The following BLTP3B variants were observed in gnomAD, a reference collection of about 807,000 sequenced individuals.
BLTP3B encodes bridge-like lipid transfer protein family member 3B, also known as UHRF1 (ICBP90) binding protein 1-like.
the BLTP3B span, among the ~76,000 whole-genome samples, chr12:100,061,974 A>C: frequency 2.0e-5 from 3 of 152,252 alleles, no homozygotes; most frequent in Admixed American, 1.3e-4. Flanking sequence ...AATTACGGTA[A>C]AATGAGTTCA....
chr12:100,127,704 C>A, the BLTP3B span, among the ~76,000 whole-genome samples: 2 of 152,080 alleles, frequency 1.3e-5, no homozygotes, highest in African/African-American at 4.8e-5. Context: ...TGCTGTAAAA[C>A]CCTTAAATTC....
At chr12:100,059,546 A>T in the BLTP3B span, 22 of 1,564,022 alleles carry the variant, frequency 1.4e-5, no homozygotes, top group Non-Finnish European at 1.7e-5. Context: ...AGAAGAGAAG[A>T]AAAATTAATC....
chr12:100,060,683 C>T, the BLTP3B span, among the ~76,000 whole-genome samples: 10 of 152,140 alleles, frequency 6.6e-5, no homozygotes, highest in African/African-American at 2.4e-4. Flanking sequence ...TCATAGCTCT[C>T]CTAAAATAAA....
chr12:100,062,437 G>A, the BLTP3B span, among the ~76,000 whole-genome samples: 88 of 152,324 alleles, frequency 5.8e-4, no homozygotes, highest in Non-Finnish European at 1.1e-3. Context: ...TCATCTACAT[G>A]AGGGTGCAAC....
At chr12:100,111,856 G>A in the BLTP3B span, among the ~76,000 whole-genome samples, 10 of 151,940 alleles carry the variant, frequency 6.6e-5, no homozygotes, top group African/African-American at 2.2e-4. Flanking sequence ...CATCCACCTC[G>A]GCCTCCCAAA....
chr12:100,107,526 T>C, the BLTP3B span, among the ~76,000 whole-genome samples: 1 of 151,438 alleles, frequency 6.6e-6, no homozygotes, highest in African/African-American at 2.4e-5. Flanking sequence ...TCCCAGCTAC[T>C]TGGGAGGCTG....
chr12:100,051,211 CTTTT>C, the BLTP3B span: 3 of 1,609,748 alleles, frequency 1.9e-6, no homozygotes, highest in Non-Finnish European at 2.5e-6. Flanking sequence ...TAGTTGAGTT[CTTTT>C]TATTTCCTGA....
At chr12:100,106,582 G>A in the BLTP3B span, among the ~76,000 whole-genome samples, 1 of 151,872 alleles carries the variant, frequency 6.6e-6, no homozygotes, top group Non-Finnish European at 1.5e-5. Context: ...GTGGCATAAT[G>A]GACTTTGAAG....
At chr12:100,067,430 T>C in the BLTP3B span, among the ~76,000 whole-genome samples, 1 of 151,982 alleles carries the variant, frequency 6.6e-6, no homozygotes, top group Admixed American at 6.6e-5. Context: ...ATAAATAAAA[T>C]TGATAGACCA....
chr12:100,079,233 G>A, the BLTP3B span, among the ~76,000 whole-genome samples: 7 of 152,270 alleles, frequency 4.6e-5, no homozygotes, highest in Middle Eastern at 3.4e-3. Context: ...GGCAGAGGTT[G>A]GAACAGTTTG....
At chr12:100,061,570 T>G in the BLTP3B span, among the ~76,000 whole-genome samples, 1 of 145,870 alleles carries the variant, frequency 6.9e-6, no homozygotes, top group Non-Finnish European at 1.5e-5. Flanking sequence ...GGCAGGAGAA[T>G]GGTGTGAACC....
At chr12:100,118,753 G>T in the BLTP3B span, among the ~76,000 whole-genome samples, 1 of 152,166 alleles carries the variant, frequency 6.6e-6, no homozygotes, top group African/African-American at 2.4e-5. Context: ...AATCAGAGCT[G>T]ATTATGGAAA....
chr12:100,121,085 C>A, the BLTP3B span, among the ~76,000 whole-genome samples: 3 of 152,006 alleles, frequency 2.0e-5, no homozygotes, highest in African/African-American at 7.3e-5. Flanking sequence ...CAGTGGCACA[C>A]GCCTGTAATC....
chr12:100,058,600 C>A, the BLTP3B span: 1 of 1,613,980 alleles, frequency 6.2e-7, no homozygotes, highest in Non-Finnish European at 8.5e-7. Flanking sequence ...TCAGGTACCA[C>A]TGGGCTCACA....
chr12:100,109,680 C>T, the BLTP3B span, among the ~76,000 whole-genome samples: 12 of 151,120 alleles, frequency 7.9e-5, no homozygotes, highest in East Asian at 7.8e-4. Flanking sequence ...GTGGGAGTTT[C>T]GCTTCAGTCC....
At chr12:100,088,364 T>C in the BLTP3B span, among the ~76,000 whole-genome samples, 6 of 151,960 alleles carry the variant, frequency 3.9e-5, no homozygotes, top group Non-Finnish European at 5.9e-5. Context: ...ATCTACTAAA[T>C]AAGGAAAAAT....
the BLTP3B span, among the ~76,000 whole-genome samples, chr12:100,045,680 T>C: frequency 6.6e-6 from 1 of 152,140 alleles, no homozygotes; most frequent in Admixed American, 6.5e-5. Context: ...AAAGACTTCA[T>C]GACTAAAACA....
chr12:100,073,254 T>C, the BLTP3B span, among the ~76,000 whole-genome samples: 91 of 152,188 alleles, frequency 6.0e-4, no homozygotes, highest in Admixed American at 3.6e-3. Context: ...CTATATACAG[T>C]TTCTGCTTGA....
the BLTP3B span, among the ~76,000 whole-genome samples, chr12:100,135,979 A>C: frequency 6.6e-6 from 1 of 152,144 alleles, no homozygotes; most frequent in African/African-American, 2.4e-5. Context: ...TTGGGAGGCC[A>C]AAGTGGGTGG....
Sources: gnomAD v4.1 joint callset for allele counts (sites outside exome capture counted in the v4.1 genomes callset) on GRCh38, gnomAD v4.1.1 for gene constraint, MANE v1.5 for transcripts, NCBI Gene and HGNC (gene_info 2026-07-23, HGNC 2026-07-21) for gene names.